The following DPP10 variants were observed in gnomAD, a reference collection of about 807,000 sequenced individuals.
DPP10 encodes the protein inactive dipeptidyl peptidase 10.
In DPP10, 33 loss-of-function variants were observed where a neutral mutation model predicts 120.9. The observed-to-expected ratio is 0.27, with a 90% CI of 0.21 to 0.37. The LOEUF (loss-of-function observed/expected upper bound fraction) is 0.37. Ranked by LOEUF, DPP10 falls within the 10% of genes least tolerant of loss-of-function variation. The pLI is 1.00. For synonymous variants in DPP10, 337 were observed against 326.1 expected (o/e 1.03, Z -0.36); for missense variants, 816 against 942.8 (o/e 0.87, Z 1.76).
At chr2:115,225,801 AAG>A (rs1275532809) in intron 1 of DPP10, among the ~76,000 whole-genome samples, 1 of 152,038 alleles carries the variant, frequency 6.6e-6, no homozygotes, top group Non-Finnish European at 1.5e-5. Flanking sequence ...AAAATTGAAA[AAG>A]ATTTTTTTTT....
chr2:115,771,184 C>T (rs769280829), intron 13 of DPP10, among the ~76,000 whole-genome samples: 34 of 152,002 alleles, frequency 2.2e-4, no homozygotes, highest in Non-Finnish European at 3.8e-4. Context: ...AAGCCATTCT[C>T]CTGCCTCAGC....
chr2:115,585,004 A>G lies in DPP10; in HGVS notation c.441+59032A>G, dbSNP rs79631513. Among the ~76,000 whole-genome samples, 73 of 152,304 alleles carry G rather than the reference A, an allele frequency of 4.8e-4. 2 individuals are homozygous for G. The East Asian group carries it at 0.014, about 28-fold the overall frequency. ...TAAAAACACATACCCATTAATTTTT[A>G]TTGTGTCCCATTGGCCATAATTATA... On this transcript the variant is annotated intron_variant, in intron 5 of 25. Coordinates refer to ENST00000410059, the MANE Select transcript of DPP10 (RefSeq NM_020868.6).
chr2:114,742,689 A>G (rs1274448062), intron 1 of DPP10, among the ~76,000 whole-genome samples: 1 of 152,242 alleles, frequency 6.6e-6, no homozygotes, highest in East Asian at 1.9e-4. Flanking sequence ...AATACAGACC[A>G]CACATTTGAA....
At chr2:115,003,164 A>G (rs1701559950) in intron 1 of DPP10, among the ~76,000 whole-genome samples, 1 of 131,764 alleles carries the variant, frequency 7.6e-6, no homozygotes, top group Non-Finnish European at 1.6e-5. Context: ...ACATACATAT[A>G]CTATGTAGCT....
intron 1 of DPP10, among the ~76,000 whole-genome samples, chr2:115,137,520 G>A (rs1005837427): frequency 6.6e-6 from 1 of 152,218 alleles, no homozygotes; most frequent in African/African-American, 2.4e-5. Context: ...TTTGTCCTGA[G>A]TGTTTGGCCA....
chr2:115,111,841 T>C lies in DPP10; in HGVS notation c.61-197398T>C, dbSNP rs2049239041. ...TAGTTTTTTCATTATCCTTCACTGGTAAGTTAATGAAAAGTAGAAATAATT... is the reference window on the plus strand; with the variant it reads ...TAGTTTTTTCATTATCCTTCACTGGCAAGTTAATGAAAAGTAGAAATAATT... On this transcript the variant is annotated intron_variant, in intron 1 of 25. Coordinates refer to ENST00000410059, the MANE Select transcript of DPP10 (RefSeq NM_020868.6). 2.0e-5 allele frequency among the ~76,000 whole-genome samples: 3 copies of C among 152,226 alleles called. No homozygotes were observed. In the South Asian group the frequency reaches 6.2e-4, roughly 32 times the overall value.
At chr2:114,852,209 T>C (rs1326903217) in intron 1 of DPP10, among the ~76,000 whole-genome samples, 1 of 144,538 alleles carries the variant, frequency 6.9e-6, no homozygotes, top group East Asian at 2.1e-4. Context: ...CCTAGTCTCT[T>C]TACTGAACTA....
intron 1 of DPP10, among the ~76,000 whole-genome samples, chr2:115,206,398 TCA>T (rs1011319863): frequency 1.3e-5 from 2 of 152,170 alleles, no homozygotes; most frequent in African/African-American, 2.4e-5. Context: ...AGAGTTCAGT[TCA>T]CAGAGTCCAG....
rs10202856 is a variant in DPP10 at position 114,913,317 on chromosome 2, C to T, written c.61-395922C>T. On this transcript the variant is annotated intron_variant, in intron 1 of 25. Coordinates refer to ENST00000410059, the MANE Select transcript of DPP10 (RefSeq NM_020868.6). ...GGGTCCTGCCATCACCTACCACCCCCGCACTGAAGCACTTTTGCCAGCATC... is the reference window on the plus strand; with the variant it reads ...GGGTCCTGCCATCACCTACCACCCCTGCACTGAAGCACTTTTGCCAGCATC... Among the ~76,000 whole-genome samples, 1,347 of 152,254 alleles carry T rather than the reference C, an allele frequency of 8.8e-3. 20 individuals are homozygous for T. Among genetic ancestry groups the T allele is most frequent in the African/African-American group, 0.031 (1,295 of 41,554 alleles).
intron 1 of DPP10, among the ~76,000 whole-genome samples, chr2:114,713,684 G>A (rs1701169385): frequency 6.6e-6 from 1 of 152,026 alleles, no homozygotes; most frequent in Non-Finnish European, 1.5e-5. Flanking sequence ...AAAATAATAA[G>A]GATGGGTGCT....
At chr2:115,798,465 A>T (rs572985840) in intron 19 of DPP10, among the ~76,000 whole-genome samples, 1 of 152,204 alleles carries the variant, frequency 6.6e-6, no homozygotes, top group South Asian at 2.1e-4. Flanking sequence ...AGGATTTTTT[A>T]AATAATATAT....
At position 115,193,087 on chromosome 2, in the gene DPP10, T is replaced by C. The variant is rs2055000508; in HGVS notation, c.61-116152T>C. On this transcript the variant is annotated intron_variant, in intron 1 of 25. Coordinates refer to ENST00000410059, the MANE Select transcript of DPP10 (RefSeq NM_020868.6). Reference sequence around the variant, plus strand: ...CCTTACACACCTTGCAAATAAACTGTTTCTTCAATAGTTTTACATTCAGGA... The same window carrying C: ...CCTTACACACCTTGCAAATAAACTGCTTCTTCAATAGTTTTACATTCAGGA... Among the ~76,000 whole-genome samples the C allele has an allele frequency of 2.0e-5, 3 of 152,286 alleles. No individual in the cohort carries two copies. The South Asian group carries it at 6.2e-4, about 32-fold the overall frequency.
intron 1 of DPP10, among the ~76,000 whole-genome samples, chr2:114,517,741 C>A (rs1311989534): frequency 1.3e-5 from 2 of 152,116 alleles, no homozygotes; most frequent in African/African-American, 4.8e-5. Context: ...AATCTGATGG[C>A]AAGGGCACAG....
intron 1 of DPP10, among the ~76,000 whole-genome samples, chr2:114,759,776 G>A (rs1680112598): frequency 6.8e-6 from 1 of 146,302 alleles, no homozygotes. Context: ...ATTAGACAGA[G>A]CCTGGAAAAT....
intron 1 of DPP10, among the ~76,000 whole-genome samples, chr2:114,482,161 G>A (rs1460882884): frequency 6.6e-6 from 1 of 152,022 alleles, no homozygotes; most frequent in Non-Finnish European, 1.5e-5. Flanking sequence ...TGAGAACACA[G>A]AACCAAACCA....
chr2:114,606,083 A>T (rs1001463660), intron 1 of DPP10, among the ~76,000 whole-genome samples: 9 of 152,152 alleles, frequency 5.9e-5, no homozygotes, highest in Admixed American at 3.3e-4. Flanking sequence ...ATCCCACCAT[A>T]AAAGATATTT....
intron 2 of DPP10, among the ~76,000 whole-genome samples, chr2:115,329,097 TA>T (rs1438403075): frequency 6.6e-6 from 1 of 152,074 alleles, no homozygotes. Context: ...ATATCCTAAA[TA>T]TTATTTCTAT....
chr2:115,120,145 C>G (rs542496346), intron 1 of DPP10, among the ~76,000 whole-genome samples: 54 of 152,330 alleles, frequency 3.5e-4, no homozygotes, highest in African/African-American at 1.2e-3. Flanking sequence ...AAAGTTTTAT[C>G]CATGTCATCA....
intron 5 of DPP10, among the ~76,000 whole-genome samples, chr2:115,653,112 A>T (rs1226756778): frequency 6.6e-6 from 1 of 152,038 alleles, no homozygotes; most frequent in African/African-American, 2.4e-5. Flanking sequence ...AATTGAGATC[A>T]TCAGTTAATT....
Sources: gnomAD v4.1 joint callset for allele counts (sites outside exome capture counted in the v4.1 genomes callset) on GRCh38, gnomAD v4.1.1 for gene constraint, MANE v1.5 for transcripts, NCBI Gene and HGNC (gene_info 2026-07-23, HGNC 2026-07-21) for gene names.